The following ABCA5 variants were observed in gnomAD, a reference collection of about 807,000 sequenced individuals.
ABCA5 encodes the protein cholesterol transporter ABCA5.
ABCA5 carries 163 observed loss-of-function variants against 206.0 expected under a neutral mutation model. The observed-to-expected ratio is 0.79, with a 90% CI of 0.70 to 0.90. ABCA5 has a LOEUF of 0.90. ABCA5 is among the 40% of genes least tolerant of loss of function. The probability of loss-of-function intolerance (pLI) is 0.00; values close to 1 mark genes in which losing one functional copy is unlikely to be tolerated. For synonymous variants in ABCA5, 609 were observed against 613.8 expected, an observed-to-expected ratio of 0.99 and a Z score of 0.11; for missense variants, 1,859 against 1,912.9, an observed-to-expected ratio of 0.97 and a Z score of 0.53.
intron 1 of ABCA5, among the ~76,000 whole-genome samples, chr17:69,323,665 T>G (rs917655679): frequency 6.6e-6 from 1 of 152,152 alleles, no homozygotes; most frequent in Non-Finnish European, 1.5e-5. Context: ...AGATCCTTGA[T>G]GAAAAAAACA....
chr17:69,251,334 T>A (rs1259199781), intron 35 of ABCA5: 1 of 155,494 alleles, frequency 6.4e-6, no homozygotes, highest in Non-Finnish European at 1.4e-5. Flanking sequence ...TCCCTTGAAG[T>A]GGGTATTATC....
intron 14 of ABCA5, among the ~76,000 whole-genome samples, chr17:69,288,769 C>T (rs1156869191): frequency 2.0e-5 from 3 of 149,898 alleles, no homozygotes; most frequent in African/African-American, 7.4e-5. Context: ...GCAGTCATAA[C>T]TAAAGTCTAT....
At chr17:69,271,100 G>A in intron 21 of ABCA5, 62 bp downstream of exon 21, 1 of 1,533,438 alleles carries the variant, frequency 6.5e-7, no homozygotes. Flanking sequence ...ATTAATTTTA[G>A]AAGAAACGTT....
rs1444575331 is a variant in ABCA5, at chr17:69,326,748, G to C, written c.-16+304C>G. Among the ~76,000 whole-genome samples, 2 of 152,184 alleles carry C rather than the reference G, an allele frequency of 1.3e-5. No homozygotes were observed. The highest frequency in any genetic ancestry group is 2.9e-5 in the Non-Finnish European group (2 of 68,032). On this transcript the variant is annotated intron_variant, in intron 1 of 38. Coordinates refer to ENST00000392676, the MANE Select transcript of ABCA5 (RefSeq NM_172232.4). The surrounding 1 kb of genome is among the most constrained non-coding windows in gnomAD (Gnocchi z 4.8). ...AGTCCCACGGCCGGACCCGGTCCCA[G>C]GGGAGCCTCGCGGAGCCCCCGCCGC...
chr17:69,304,306 A>C (rs2075693379), intron 7 of ABCA5: 1 of 155,768 alleles, frequency 6.4e-6, no homozygotes, highest in African/African-American at 2.4e-5. Context: ...TATCTTTAAA[A>C]ATCATCATCC....
intron 1 of ABCA5, among the ~76,000 whole-genome samples, chr17:69,316,638 A>G (rs926662420): frequency 6.6e-6 from 1 of 152,066 alleles, no homozygotes; most frequent in African/African-American, 2.4e-5. Context: ...GAAAACTTCC[A>G]ATTTAGCAAG....
chr17:69,264,061 T>C (rs888003145), intron 24 of ABCA5, among the ~76,000 whole-genome samples: 12 of 152,188 alleles, frequency 7.9e-5, no homozygotes, highest in African/African-American at 2.9e-4. Context: ...AATAGCTTTT[T>C]AAAATTCTGT....
At position 69,284,020 on chromosome 17, in the gene ABCA5, A is replaced by G. The variant is rs1204025825; in HGVS notation, c.2325T>C (p.Gly775=). ...CGTCTTCCAAAGTCGTCATGGAAAC[A>G]CCATAAGAAATGACACCCAAATTTG... ...SHSNLGVISY[G]VSMTTLEDVF... The change falls in exon 18 of 39, where the codon GGT becomes GGC. Residue 775 remains glycine, a synonymous_variant. Coordinates refer to ENST00000392676, the MANE Select transcript of ABCA5 (RefSeq NM_172232.4). The G allele has an allele frequency of 3.4e-5, 54 of 1,606,970 alleles. No homozygotes were observed. Among genetic ancestry groups the G allele is most frequent in the Non-Finnish European group, 4.5e-5 (53 of 1,177,270 alleles).
intron 5 of ABCA5, among the ~76,000 whole-genome samples, 160 bp from the exon 6 acceptor site, chr17:69,307,114 T>C (rs2075726432): frequency 6.6e-6 from 1 of 152,026 alleles, no homozygotes; most frequent in Non-Finnish European, 1.5e-5. Flanking sequence ...CCCAATATCA[T>C]AATTCTGAGT....
At chr17:69,254,274 T>C in intron 32 of ABCA5, 41 bp downstream of exon 32, 1 of 1,503,056 alleles carries the variant, frequency 6.7e-7, no homozygotes. Context: ...TGCAAACCTT[T>C]CCTCTAAGTA....
chr17:69,261,559 T>G (rs2075147667), intron 25 of ABCA5, 76 bp downstream of exon 25: 1 of 721,216 alleles, frequency 1.4e-6, no homozygotes, highest in Non-Finnish European at 2.2e-6. Flanking sequence ...CATGTAACAT[T>G]TTTAGTATAA....
At chr17:69,294,111 G>A (rs2075559484) in intron 11 of ABCA5, among the ~76,000 whole-genome samples, 1 of 152,036 alleles carries the variant, frequency 6.6e-6, no homozygotes, top group Admixed American at 6.6e-5. Flanking sequence ...CAAGGACATA[G>A]CCTTATTCAA....
At chr17:69,255,252 G>A (rs1567750666) in intron 31 of ABCA5, among the ~76,000 whole-genome samples, 1 of 152,112 alleles carries the variant, frequency 6.6e-6, no homozygotes, top group Non-Finnish European at 1.5e-5. Context: ...CATATCTCCT[G>A]AAGCTAATAA....
At chr17:69,256,004 A>C (rs1475466698) in intron 29 of ABCA5, among the ~76,000 whole-genome samples, 153 bp downstream of exon 29, 1 of 152,236 alleles carries the variant, frequency 6.6e-6, no homozygotes, top group Non-Finnish European at 1.5e-5. Context: ...ATTCTGGCTT[A>C]TTCAAAAGTA....
At chr17:69,270,898 A>T (rs1180490309) in intron 21 of ABCA5, 148 bp from the exon 22 acceptor site, 8 of 825,906 alleles carry the variant, frequency 9.7e-6, no homozygotes, top group Non-Finnish European at 1.4e-5. Flanking sequence ...ATGACAGATA[A>T]AGACAATCTG....
chr17:69,245,907 G>A lies in ABCA5; in HGVS notation c.*1630C>T, dbSNP rs1037243085. ...GTTCTAAAAAAAACTATGCTTTTTC[G>A]TGACTGCCTTAGTAAACTATAGATA... On this transcript the variant is annotated 3_prime_UTR_variant, in exon 39 of 39. Coordinates refer to ENST00000392676, the MANE Select transcript of ABCA5 (RefSeq NM_172232.4). 6.6e-6 allele frequency: 1 copy of A among 151,724 alleles called. No homozygotes were observed. Among genetic ancestry groups the A allele is most frequent in the African/African-American group, 2.4e-5 (1 of 41,364 alleles). The allele number at this position is 151,724 out of a possible 1,614,324, so 9.4% of individuals were successfully genotyped here.
rs1474929503 is a variant in ABCA5, at chr17:69,303,807, T to TATATACAC, written c.930+861_930+862insGTGTATAT. Among the ~76,000 whole-genome samples the TATATACAC allele has an allele frequency of 2.5e-3, 13 of 5,226 alleles. 5 individuals are homozygous for TATATACAC. The South Asian group carries it at 0.088, about 35-fold the overall frequency. The allele number at this position is 5,226 out of a possible 152,430, so 3.4% of individuals were successfully genotyped here. A position where few individuals can be genotyped will look rare whatever the true frequency, so the allele number is the denominator to read the frequency against. On this transcript the variant is annotated intron_variant, in intron 7 of 38. Coordinates refer to ENST00000392676, the MANE Select transcript of ABCA5 (RefSeq NM_172232.4). Reference sequence around the variant, plus strand: ...AAAAATATATATATATATATATATATACATACATATATATATATGTATATA... The same window carrying TATATACAC: ...AAAAATATATATATATATATATATATATATACACACATACATATATATATATGTATATA...
chr17:69,286,668 T>C (rs142467699), intron 15 of ABCA5, among the ~76,000 whole-genome samples: 1 of 152,246 alleles, frequency 6.6e-6, no homozygotes, highest in African/African-American at 2.4e-5. Flanking sequence ...TAACCAAATG[T>C]AGAAACAACT....
Position 69,301,166 on chromosome 17 carries a change from C to T in ABCA5, c.1240G>A (p.Ala414Thr). ...TLNSIFYVLLAVYLDQVIPGE... is the reference protein window; with the variant it reads ...TLNSIFYVLLTVYLDQVIPGE... ...GGAATGACTTGATCAAGATAGACAGCCAAGAGGACATAGAATATACTATTA... is the reference window on the plus strand; with the variant it reads ...GGAATGACTTGATCAAGATAGACAGTCAAGAGGACATAGAATATACTATTA... The change falls in exon 9 of 39, where the codon GCT becomes ACT. Residue 414 changes from alanine to threonine, a missense_variant. Transcript: ENST00000392676. 1 of 1,576,684 alleles carries T rather than the reference C, an allele frequency of 6.3e-7. No individual in the cohort carries two copies.
Sources: allele counts gnomAD v4.1 joint callset (sites outside exome capture counted in the v4.1 genomes callset), GRCh38; gene constraint gnomAD v4.1.1; non-coding constraint Gnocchi (gnomAD v3.1); transcripts MANE v1.5; gene names NCBI Gene and HGNC (gene_info 2026-07-23, HGNC 2026-07-21).